Variants in F13B observed in about 807,000 individuals in gnomAD.
F13B encodes the protein TGase.
A neutral mutation model predicts 79.8 loss-of-function variants in F13B; 58 were observed. That is an observed-to-expected ratio of 0.73 (90% CI 0.59 to 0.90). F13B has a LOEUF of 0.90. F13B is among the 40% of genes least tolerant of loss of function. The pLI, the probability that F13B is intolerant of heterozygous loss-of-function variation, is 0.00. For synonymous variants in F13B, 283 were observed against 260.3 expected (o/e 1.09, Z -0.84); for missense variants, 773 against 777.0 (o/e 0.99, Z 0.06).
In F13B at chr1:197,060,427, A is replaced by G; in HGVS notation, c.744T>C (p.Ser248=). The change falls in exon 5 of 12, where the codon AGT becomes AGC. Residue 248 remains serine (S), a synonymous_variant. Transcript: ENST00000367412. The part of the protein sequence containing the change: ...QFFCHENYYL[S]GSDLIQCYNF... ...TATAGCATTGAATTAAATCAGATCCACTTAGATAATAATTTTCATGACAGA... is the reference window on the plus strand; with the variant it reads ...TATAGCATTGAATTAAATCAGATCCGCTTAGATAATAATTTTCATGACAGA... The G allele has an allele frequency of 6.2e-7, 1 of 1,612,034 alleles. No individual in the cohort carries two copies. The highest frequency in any genetic ancestry group is 2.2e-5 in the East Asian group (1 of 44,698).
In F13B at chr1:197,044,892, C is replaced by T. The variant is rs1655172176; in HGVS notation, c.1739-4157G>A. ...CACAACTACATGGAAACTGAACAGCCTACTCCTGAATGACTACTAGATAAA... is the reference window on the plus strand; with the variant it reads ...CACAACTACATGGAAACTGAACAGCTTACTCCTGAATGACTACTAGATAAA... On this transcript the variant is annotated intron_variant, in intron 10 of 11. Coordinates refer to ENST00000367412, the MANE Select transcript of F13B (RefSeq NM_001994.3). 2.0e-5 allele frequency among the ~76,000 whole-genome samples: 3 copies of T among 151,984 alleles called. No homozygotes were observed. In the South Asian group the frequency reaches 6.2e-4, roughly 32 times the overall value.
At chr1:197,062,086 G>A in intron 2 of F13B, 117 bp from the exon 3 acceptor site, 1 of 881,508 alleles carries the variant, frequency 1.1e-6, no homozygotes, top group South Asian at 1.6e-5. Context: ...GGAAATATCT[G>A]CATAATTTTT....
rs978929976 is a variant in F13B at position 197,061,012 on chromosome 1, A to G, written c.515T>C (p.Val172Ala). The G allele has an allele frequency of 1.2e-6, 2 of 1,607,828 alleles. No individual in the cohort carries two copies. The highest frequency in any genetic ancestry group is 2.7e-5 in the African/African-American group (2 of 74,802). ...NYSTTQKTFK[V>A]KDKVQYECAT... ...ACATTCGTATTGTACTTTGTCCTTC[A>G]CTTTGAATGTTTTCTGTGTTGTGGA... The change falls in exon 4 of 12, where the codon GTG becomes GCG. Residue 172 changes from valine (V) to alanine (A), a missense_variant. By Grantham distance (64) the Val-to-Ala change is moderately conservative (BLOSUM62 0). Coordinates refer to ENST00000367412, the MANE Select transcript of F13B (RefSeq NM_001994.3).
chr1:197,049,935 T>C (rs1655382073), intron 10 of F13B, among the ~76,000 whole-genome samples: 1 of 152,156 alleles, frequency 6.6e-6, no homozygotes, highest in Non-Finnish European at 1.5e-5. Flanking sequence ...TATGTAATTA[T>C]TTCAACAGAT....
At chr1:197,055,952 T>G in intron 7 of F13B, 55 bp from the exon 8 acceptor site, 1 of 1,308,862 alleles carries the variant, frequency 7.6e-7, no homozygotes, top group Non-Finnish European at 1.1e-6. Context: ...TATACTATAG[T>G]AACTCATACT....
chr1:197,059,119 G>A (rs963408136), intron 5 of F13B, among the ~76,000 whole-genome samples: 7 of 152,222 alleles, frequency 4.6e-5, no homozygotes, highest in African/African-American at 1.4e-4. Context: ...AGGAGGCTGA[G>A]GCAGGAGAAT....
At chr1:197,054,302 A>G (rs1384966342) in intron 8 of F13B, among the ~76,000 whole-genome samples, 7 of 152,072 alleles carry the variant, frequency 4.6e-5, no homozygotes, top group Admixed American at 3.3e-4. Context: ...AGAGATTACT[A>G]TATCTCCACT....
At chr1:197,050,348 G>A (rs532143940) in intron 10 of F13B, among the ~76,000 whole-genome samples, 11 of 151,884 alleles carry the variant, frequency 7.2e-5, no homozygotes, top group Non-Finnish European at 1.2e-4. Context: ...CTTTATTTCC[G>A]CATTGTTTTC....
intron 10 of F13B, among the ~76,000 whole-genome samples, chr1:197,043,861 A>AT (rs1655128994): frequency 6.6e-6 from 1 of 152,088 alleles, no homozygotes; most frequent in Non-Finnish European, 1.5e-5. Flanking sequence ...AGAAATGTAC[A>AT]TTTTAAAAGA....
intron 11 of F13B, among the ~76,000 whole-genome samples, chr1:197,039,949 G>C (rs1654977561): frequency 6.6e-6 from 1 of 151,882 alleles, no homozygotes; most frequent in Non-Finnish European, 1.5e-5. Context: ...TTCAAAAAGG[G>C]TTAAAATTGT....
At chr1:197,041,445 T>C (rs1030469378) in intron 10 of F13B, among the ~76,000 whole-genome samples, 6 of 152,286 alleles carry the variant, frequency 3.9e-5, no homozygotes, top group Admixed American at 3.9e-4. Flanking sequence ...AAATATCAAA[T>C]ATCAAATTAT....
rs1055550430 is a variant in F13B, at chr1:197,052,755, A to G, written c.1434T>C (p.His478=). 6.2e-7 allele frequency: 1 copy of G among 1,610,982 alleles called. No individual in the cohort carries two copies. Among genetic ancestry groups the G allele is most frequent in the South Asian group, 1.1e-5 (1 of 90,986 alleles). ...TACATACAAAATCTATTAAATCTCC[A>G]TGTAAGACTTTCCCTTCATATTTCC... The part of the protein sequence containing the change: ...MKWKYEGKVL[H]GDLIDFVCKQ... Residue 478 remains histidine (H), a synonymous_variant, in exon 9 of 12, where the codon CAT becomes CAC. Coordinates refer to ENST00000367412, the MANE Select transcript of F13B (RefSeq NM_001994.3).
chr1:197,044,385 C>A (rs1018944976), intron 10 of F13B, among the ~76,000 whole-genome samples: 3 of 151,962 alleles, frequency 2.0e-5, no homozygotes, highest in African/African-American at 7.3e-5. Flanking sequence ...AGACTTTAAA[C>A]CAACAAAGAT....
chr1:197,044,388 A>G (rs1270419816), intron 10 of F13B, among the ~76,000 whole-genome samples: 1 of 152,180 alleles, frequency 6.6e-6, no homozygotes, highest in African/African-American at 2.4e-5. Flanking sequence ...CTTTAAACCA[A>G]CAAAGATCAA....
chr1:197,050,807 T>C lies in F13B; in HGVS notation c.1628A>G (p.Tyr543Cys), dbSNP rs6001. Residue 543 changes from tyrosine to cysteine, a missense_variant, in exon 10 of 12, where the codon TAT becomes TGT. Physicochemically the swap from Tyr to Cys is radical, Grantham distance 194 (BLOSUM62 -2). Transcript: ENST00000367412. ...GTATTCTACTGAAGAGCCATTTTCA[T>C]AGGTGTCTACTGTTGAACTAATAAT... ...GVIISSTVDTYENGSSVEYRC... is the reference protein window; with the variant it reads ...GVIISSTVDTCENGSSVEYRC... The C allele has an allele frequency of 3.7e-6, 6 of 1,613,308 alleles. No individual in the cohort carries two copies. The highest frequency in any genetic ancestry group is 5.1e-6 in the Non-Finnish European group (6 of 1,179,606).
At chr1:197,039,481 C>A in intron 11 of F13B, 70 bp from the exon 12 acceptor site, 1 of 1,249,352 alleles carries the variant, frequency 8.0e-7, no homozygotes, top group Non-Finnish European at 1.2e-6. Flanking sequence ...CAATCTCAGC[C>A]TTTCAATTTT....
intron 7 of F13B, among the ~76,000 whole-genome samples, chr1:197,056,153 A>G (rs1005609882): frequency 6.6e-6 from 1 of 152,152 alleles, no homozygotes; most frequent in African/African-American, 2.4e-5. Flanking sequence ...TGATATACAC[A>G]TTTCTTAAAC....
chr1:197,040,312 G>A (rs1033648849), intron 11 of F13B: 35 of 499,222 alleles, frequency 7.0e-5, no homozygotes, highest in Non-Finnish European at 1.0e-4. Context: ...AATGGCAAAC[G>A]TTGCTTTCAC....
intron 10 of F13B, among the ~76,000 whole-genome samples, chr1:197,048,339 T>C (rs1046174545): frequency 3.3e-5 from 5 of 151,770 alleles, no homozygotes; most frequent in Admixed American, 6.6e-5. Context: ...GAAAAAATTA[T>C]AAACTGCATA....
Sources: allele counts gnomAD v4.1 joint callset (sites outside exome capture counted in the v4.1 genomes callset), GRCh38; gene constraint gnomAD v4.1.1; transcripts MANE v1.5; gene names NCBI Gene and HGNC (gene_info 2026-07-23, HGNC 2026-07-21).